Variants in LGR5 observed in about 807,000 individuals in gnomAD.
LGR5 encodes leucine-rich repeat-containing G protein-coupled receptor 5.
LGR5 carries 54 observed loss-of-function variants against 76.7 expected under a neutral mutation model. The ratio of observed to expected loss-of-function variants is 0.70; its 90% CI spans 0.57 to 0.88. LGR5 has a LOEUF of 0.88. Among genes scored for constraint, LGR5 ranks in the 40% least tolerant of loss-of-function variants. LGR5 has a pLI of 0.00. For synonymous variants in LGR5, 406 were observed against 421.9 expected, an observed-to-expected ratio of 0.96 and a Z score of 0.46; for missense variants, 1,078 against 1,073.3, an observed-to-expected ratio of 1.00 and a Z score of -0.06.
intron 1 of LGR5, among the ~76,000 whole-genome samples, chr12:71,466,272 T>A (rs1872859587): frequency 6.6e-6 from 1 of 152,268 alleles, no homozygotes; most frequent in Non-Finnish European, 1.5e-5. Context: ...TATGAAATTA[T>A]GTTACTTCTG....
At chr12:71,491,300 A>C (rs1874061544) in intron 1 of LGR5, among the ~76,000 whole-genome samples, 1 of 152,196 alleles carries the variant, frequency 6.6e-6, no homozygotes, top group East Asian at 1.9e-4. Context: ...GCCAACAGAA[A>C]AATGTTGAAG....
intron 4 of LGR5, among the ~76,000 whole-genome samples, chr12:71,537,158 C>T (rs1592524159): frequency 7.0e-6 from 1 of 143,628 alleles, no homozygotes; most frequent in East Asian, 2.0e-4. Flanking sequence ...TTTTGTGCAG[C>T]TTTGATGCAA....
At chr12:71,533,264 G>A (rs904482465) in intron 3 of LGR5, among the ~76,000 whole-genome samples, 1 of 152,140 alleles carries the variant, frequency 6.6e-6, no homozygotes, top group African/African-American at 2.4e-5. Flanking sequence ...AGAATTGCTT[G>A]AACCCAGGAG....
At chr12:71,459,735 C>T (rs1468838040) in intron 1 of LGR5, among the ~76,000 whole-genome samples, 4 of 151,942 alleles carry the variant, frequency 2.6e-5, no homozygotes, top group African/African-American at 9.7e-5. Context: ...GGGATAATCA[C>T]TTGGTATTGG....
intron 5 of LGR5, among the ~76,000 whole-genome samples, chr12:71,554,880 G>T (rs1877679776): frequency 6.6e-6 from 1 of 152,088 alleles, no homozygotes; most frequent in Non-Finnish European, 1.5e-5. Context: ...TAAAAATGTA[G>T]CAGTATGACC....
chr12:71,552,429 G>A (rs958522750), intron 4 of LGR5, among the ~76,000 whole-genome samples: 2 of 151,952 alleles, frequency 1.3e-5, no homozygotes, highest in African/African-American at 4.8e-5. Flanking sequence ...GCCAGGTGTG[G>A]TGGCAGACGC....
intron 4 of LGR5, among the ~76,000 whole-genome samples, chr12:71,541,087 CGGAACCATA>C (rs1370165611): frequency 6.6e-6 from 1 of 152,142 alleles, no homozygotes; most frequent in African/African-American, 2.4e-5. Flanking sequence ...GTTCACTTCA[CGGAACCATA>C]TGCAGATCAG....
rs143148841 is a variant in LGR5, at chr12:71,562,243, C to T, written c.857+391C>T. 7.9e-3 allele frequency among the ~76,000 whole-genome samples: 1,196 copies of T among 152,246 alleles called. 15 individuals are homozygous for T. Among genetic ancestry groups the T allele is most frequent in the African/African-American group, 0.027 (1,107 of 41,536 alleles). On this transcript the variant is annotated intron_variant, in intron 8 of 17. Coordinates refer to ENST00000266674, the MANE Select transcript of LGR5 (RefSeq NM_003667.4). ...ATTATATACAAATGGATGTCTTTTA[C>T]AGCAATAGACTCCAGCCTAAATTGA... is the stretch of plus-strand genomic sequence containing the variant.
intron 3 of LGR5, among the ~76,000 whole-genome samples, chr12:71,531,864 TC>T (rs1387979073): frequency 6.6e-6 from 1 of 151,822 alleles, no homozygotes; most frequent in African/African-American, 2.4e-5. Context: ...TGAGACCCTG[TC>T]CCCCCTCCAA....
intron 7 of LGR5, among the ~76,000 whole-genome samples, chr12:71,561,527 T>G (rs1029406467): frequency 6.6e-5 from 10 of 152,224 alleles, no homozygotes; most frequent in African/African-American, 1.9e-4. Flanking sequence ...CTTATAACAT[T>G]AGATTGTAAG....
intron 3 of LGR5, among the ~76,000 whole-genome samples, chr12:71,525,085 C>G (rs118086634): frequency 4.0e-4 from 60 of 151,822 alleles, no homozygotes; most frequent in African/African-American, 1.2e-3. Flanking sequence ...CTTCTGGTAC[C>G]CATTGTTTAA....
intron 4 of LGR5, 22 bp downstream of exon 4, chr12:71,535,208 A>G (rs1387870384): frequency 6.8e-7 from 1 of 1,467,456 alleles, no homozygotes; most frequent in African/African-American, 1.4e-5. Context: ...AGACATTGCA[A>G]AATATATTTA....
intron 1 of LGR5, among the ~76,000 whole-genome samples, chr12:71,468,620 T>C (rs1872955822): frequency 1.3e-5 from 2 of 151,988 alleles, no homozygotes; most frequent in Admixed American, 6.6e-5. Flanking sequence ...CCATTTAAGC[T>C]TTCAAAGCCA....
At chr12:71,569,278 G>C (rs903699173) in intron 11 of LGR5, among the ~76,000 whole-genome samples, 1 of 152,178 alleles carries the variant, frequency 6.6e-6, no homozygotes, top group African/African-American at 2.4e-5. Context: ...ATCGCCTAAA[G>C]CAATTGCAAC....
chr12:71,449,238 T>C (rs1872152431), intron 1 of LGR5, among the ~76,000 whole-genome samples: 1 of 152,192 alleles, frequency 6.6e-6, no homozygotes, highest in South Asian at 2.1e-4. Flanking sequence ...AAAAGAGTCC[T>C]TGGGATTTAA....
At chr12:71,477,090 A>G (rs1873369987) in intron 1 of LGR5, among the ~76,000 whole-genome samples, 1 of 152,226 alleles carries the variant, frequency 6.6e-6, no homozygotes, top group African/African-American at 2.4e-5. Context: ...AAGCAAGCCA[A>G]TTCCTGCCAT....
intron 2 of LGR5, among the ~76,000 whole-genome samples, chr12:71,509,228 T>C (rs1176293797): frequency 6.6e-6 from 1 of 152,178 alleles, no homozygotes. Context: ...CTGTCTGCCT[T>C]TTAAGGTGTT....
At chr12:71,457,440 T>C (rs1056184978) in intron 1 of LGR5, among the ~76,000 whole-genome samples, 1 of 152,164 alleles carries the variant, frequency 6.6e-6, no homozygotes, top group African/African-American at 2.4e-5. Context: ...AGCTTTCATG[T>C]TATTTCAAAA....
chr12:71,501,936 T>C (rs1273150554), intron 1 of LGR5, among the ~76,000 whole-genome samples: 1 of 152,176 alleles, frequency 6.6e-6, no homozygotes, highest in Non-Finnish European at 1.5e-5. Context: ...CAAATTAATT[T>C]TTACCTTGTC....
Sources: gnomAD v4.1 joint callset for allele counts (sites outside exome capture counted in the v4.1 genomes callset) on GRCh38, gnomAD v4.1.1 for gene constraint, MANE v1.5 for transcripts, NCBI Gene and HGNC (gene_info 2026-07-23, HGNC 2026-07-21) for gene names.